Variants in PARP4 observed in about 807,000 individuals in gnomAD.
PARP4 encodes the protein poly(ADP-ribose) polymerase family member 4.
Under a neutral mutation model 187.7 loss-of-function variants are expected in PARP4, and 120 were observed. The observed-to-expected ratio is 0.64, with a 90% CI of 0.55 to 0.74. The LOEUF (loss-of-function observed/expected upper bound fraction) is 0.74. PARP4 is among the 30% of genes least tolerant of loss of function. The probability of loss-of-function intolerance (pLI) is 0.00; values close to 1 mark genes in which losing one functional copy is unlikely to be tolerated. For missense variants in PARP4, 1,836 were observed against 2,070.5 expected, an observed-to-expected ratio of 0.89 and a Z score of 2.20; for synonymous variants, 654 against 740.9, an observed-to-expected ratio of 0.88 and a Z score of 1.90.
chr13:24,500,834 A>G (rs933941492), intron 3 of PARP4, among the ~76,000 whole-genome samples: 1 of 152,210 alleles, frequency 6.6e-6, no homozygotes, highest in African/African-American at 2.4e-5. Flanking sequence ...GAGCATTGTG[A>G]TATACAGGAA....
At chr13:24,497,163 T>C (rs1869002993) in intron 6 of PARP4, among the ~76,000 whole-genome samples, 1 of 152,144 alleles carries the variant, frequency 6.6e-6, no homozygotes, top group Admixed American at 6.6e-5. Context: ...TGTTTTAGAT[T>C]GGAACTGTGC....
intron 24 of PARP4, among the ~76,000 whole-genome samples, chr13:24,451,157 G>C (rs752089158): frequency 6.6e-6 from 1 of 152,200 alleles, no homozygotes; most frequent in Non-Finnish European, 1.5e-5. Context: ...GCATGAATAG[G>C]TGCCAGTACC....
chr13:24,491,776 C>T (rs1256717307), intron 9 of PARP4, among the ~76,000 whole-genome samples: 1 of 152,230 alleles, frequency 6.6e-6, no homozygotes, highest in Non-Finnish European at 1.5e-5. Flanking sequence ...TCTGAGCAGC[C>T]ACAGTGGCTC....
At chr13:24,509,846 C>T (rs909975032) in intron 1 of PARP4, among the ~76,000 whole-genome samples, 3 of 151,942 alleles carry the variant, frequency 2.0e-5, no homozygotes, top group Non-Finnish European at 2.9e-5. Flanking sequence ...ACTACAGGCA[C>T]GCACCACCAC....
Position 24,469,068 on chromosome 13 carries a change from C to A in PARP4, c.2089G>T (p.Val697Leu). ...EEAQQEYLEA[V>L]TQGHGAYLMS... ...AGGTAAGCGCCATGGCCCTGGGTCA[C>A]GGCTTCTAGGTACTCTTGCTGGGCT... Residue 697 changes from valine (V) to leucine (L), a missense_variant, in exon 17 of 34, where the codon GTG (valine) becomes TTG (leucine). By Grantham distance (32) the Val-to-Leu change is conservative. This residue lies in a region of PARP4 where 1,147 missense variants were observed against 1,214.2 expected (regional missense o/e 0.94). Coordinates refer to ENST00000381989, the MANE Select transcript of PARP4 (RefSeq NM_006437.4). 6.2e-7 allele frequency: 1 copy of A among 1,613,930 alleles called. No homozygotes were observed.
At chr13:24,452,199 T>C (rs1871556454) in intron 24 of PARP4, 2 of 494,964 alleles carry the variant, frequency 4.0e-6, no homozygotes, top group Non-Finnish European at 7.1e-6. Flanking sequence ...GTTAAGGAAC[T>C]TGCTCAAGGT....
chr13:24,506,260 G>A (rs1433548966), intron 1 of PARP4, among the ~76,000 whole-genome samples: 1 of 152,154 alleles, frequency 6.6e-6, no homozygotes, highest in Non-Finnish European at 1.5e-5. Flanking sequence ...TACTCCTACC[G>A]GTGGGTTCGT....
At chr13:24,506,839 G>A (rs1869716404) in intron 1 of PARP4, among the ~76,000 whole-genome samples, 1 of 152,230 alleles carries the variant, frequency 6.6e-6, no homozygotes, top group Non-Finnish European at 1.5e-5. Flanking sequence ...GCCCTTGGGT[G>A]GTCGATGGGA....
chr13:24,503,733 A>C lies in PARP4; in HGVS notation c.44T>G (p.Val15Gly). ...CTTCTGCTGCTGAGGTAAGTACTTCACTTTCAAACAGAAGATACAATTTGC... is the reference window on the plus strand; with the variant it reads ...CTTCTGCTGCTGAGGTAAGTACTTCCCTTTCAAACAGAAGATACAATTTGC... ...IFANCIFCLK[V>G]KYLPQQQKKK... is the part of the protein sequence containing the mutation. The change falls in exon 2 of 34, where the codon GTG becomes GGG. Residue 15 changes from valine (V) to glycine (G), a missense_variant. Coordinates refer to ENST00000381989, the MANE Select transcript of PARP4 (RefSeq NM_006437.4). The C allele has an allele frequency of 6.2e-7, 1 of 1,614,080 alleles. No individual in the cohort carries two copies. The highest frequency in any genetic ancestry group is 8.5e-7 in the Non-Finnish European group (1 of 1,179,936).
intron 12 of PARP4, 39 bp from the exon 13 acceptor site, chr13:24,478,315 G>C: frequency 7.3e-7 from 1 of 1,364,200 alleles, no homozygotes; most frequent in Non-Finnish European, 1.0e-6. Context: ...TTACAGCTTA[G>C]AGTGACTTGT....
intron 12 of PARP4, among the ~76,000 whole-genome samples, chr13:24,479,257 C>T (rs1304445116): frequency 6.6e-6 from 1 of 151,500 alleles, no homozygotes; most frequent in Non-Finnish European, 1.5e-5. Flanking sequence ...GTTTCACCTA[C>T]TGAAAAAAAA....
chr13:24,437,218 A>C (rs1166871267), intron 30 of PARP4, among the ~76,000 whole-genome samples: 1 of 152,158 alleles, frequency 6.6e-6, no homozygotes, highest in East Asian at 1.9e-4. Context: ...ATAAATTTCA[A>C]TCAGATGAAA....
At chr13:24,506,269 G>A (rs367636574) in intron 1 of PARP4, among the ~76,000 whole-genome samples, 2 of 152,172 alleles carry the variant, frequency 1.3e-5, no homozygotes, top group African/African-American at 4.8e-5. Flanking sequence ...CGGTGGGTTC[G>A]TGGTGTCGCT....
At chr13:24,477,482 T>G (rs1256102501) in intron 14 of PARP4, among the ~76,000 whole-genome samples, 11 of 152,092 alleles carry the variant, frequency 7.2e-5, no homozygotes, top group African/African-American at 2.7e-4. Flanking sequence ...ATATATATTT[T>G]AAAATTAAGT....
chr13:24,423,035 C>T lies in PARP4; in HGVS notation c.4980-1721G>A, dbSNP rs191381485. ...TGAAAATCTTTACTTTATGATATTA[C>T]AGTTCAAAAGCAGGTTCAAAGTTTA... On this transcript the variant is annotated intron_variant, in intron 33 of 33. Coordinates refer to ENST00000381989, the MANE Select transcript of PARP4 (RefSeq NM_006437.4). Among the ~76,000 whole-genome samples, 105 of 152,198 alleles carry T rather than the reference C, an allele frequency of 6.9e-4. 2 individuals are homozygous for T. Among genetic ancestry groups the T allele is most frequent in the Non-Finnish European group, 4.3e-4 (29 of 68,012 alleles).
rs1870546468 is a variant in PARP4, at chr13:24,435,009, G to A, written c.4132C>T (p.Pro1378Ser). ...PVPGTCADWI[P>S]QSASCPTGPP... ...CCTGTGGGACAAGACGCCGACTGTG[G>A]GATCCAGTCAGCACAAGTGCCAGGC... The change falls in exon 31 of 34, where the codon CCA becomes TCA. Residue 1378 changes from proline to serine, a missense_variant. Coordinates refer to ENST00000381989, the MANE Select transcript of PARP4 (RefSeq NM_006437.4). The A allele has an allele frequency of 6.2e-7, 1 of 1,613,834 alleles. No individual in the cohort carries two copies. Among genetic ancestry groups the A allele is most frequent in the Non-Finnish European group, 8.5e-7 (1 of 1,180,050 alleles).
intron 9 of PARP4, 152 bp from the exon 10 acceptor site, chr13:24,490,980 C>T: frequency 1.4e-6 from 1 of 696,802 alleles, no homozygotes; most frequent in Non-Finnish European, 2.4e-6. Context: ...GTCTTGCTCT[C>T]ACCCACGCTG....
At chr13:24,449,114 C>T (rs9551102) in intron 25 of PARP4, among the ~76,000 whole-genome samples, 127,983 of 151,954 alleles carry the variant, frequency 0.84, 55,958 homozygotes, top group East Asian at 0.97. Context: ...AATGGCCAGG[C>T]GCGGTGGCTC....
At chr13:24,488,121 G>A (rs928665501) in intron 10 of PARP4, among the ~76,000 whole-genome samples, 4 of 152,024 alleles carry the variant, frequency 2.6e-5, no homozygotes, top group African/African-American at 9.7e-5. Flanking sequence ...TTAGGGGGTG[G>A]GGCGGCTCGC....
Sources: gnomAD v4.1 joint callset for allele counts (sites outside exome capture counted in the v4.1 genomes callset) on GRCh38, gnomAD v4.1.1 for gene constraint, gnomAD v4.1.1 regional missense constraint, MANE v1.5 for transcripts, NCBI Gene and HGNC (gene_info 2026-07-23, HGNC 2026-07-21) for gene names.